Variants in TSC2 observed in about 807,000 individuals in gnomAD.
TSC2 encodes the protein tuberin.
A neutral mutation model predicts 202.2 loss-of-function variants in TSC2; 29 were observed. That is an observed-to-expected ratio of 0.14 (90% CI 0.11 to 0.20). TSC2 has a LOEUF of 0.20. Ranked by LOEUF, TSC2 falls within the 10% of genes least tolerant of loss-of-function variation. The pLI is 1.00. For missense variants in TSC2, 2,429 were observed against 2,420.0 expected, an observed-to-expected ratio of 1.00 and a Z score of -0.08; for synonymous variants, 1,349 against 1,044.0, an observed-to-expected ratio of 1.29 and a Z score of -5.63.
Position 2,076,401 on chromosome 16 carries a change from G to A in TSC2, c.2743-90G>A, listed in dbSNP as rs1249301594. On this transcript the variant is annotated intron_variant, in intron 24 of 41. Coordinates refer to ENST00000219476, the MANE Select transcript of TSC2 (RefSeq NM_000548.5). ...CCGCCTTGCCCCTAGCCTGCAGCTTGTCCCTGGCCAGGGGGCACCCGGCAG... is the reference window on the plus strand; with the variant it reads ...CCGCCTTGCCCCTAGCCTGCAGCTTATCCCTGGCCAGGGGGCACCCGGCAG... The A allele has an allele frequency of 2.5e-6, 4 of 1,593,840 alleles. 1 individual carries two copies. The highest frequency in any genetic ancestry group is 2.2e-5 in the South Asian group (2 of 90,512).
rs2151523267 is a variant in TSC2, at chr16:2,084,326, C to T, written c.4104C>T (p.Gly1368=). The T allele has an allele frequency of 6.2e-7, 1 of 1,612,724 alleles. No individual in the cohort carries two copies. The highest frequency in any genetic ancestry group is 8.5e-7 in the Non-Finnish European group (1 of 1,179,970). The stretch of plus-strand genomic sequence containing the variant: ...AGCGAGTCGTCTCCTCGGAGGGTGG[C>T]CGGCCCTCTGTGGACCTCTCCTTCC... ...PIERVVSSEG[G]RPSVDLSFQP... is the part of the protein sequence containing the mutation. Residue 1368 remains glycine (G), a synonymous_variant, in exon 34 of 42, where the codon GGC becomes GGT. Transcript: ENST00000219476.
chr16:2,085,009 A>G lies in TSC2; in HGVS notation c.4552A>G (p.Ile1518Val), dbSNP rs764903148. The change falls in exon 35 of 42, where the codon ATC becomes GTC. Residue 1518 changes from isoleucine to valine, a missense_variant. Ile to Val is a conservative substitution (Grantham distance 29). Coordinates refer to ENST00000219476, the MANE Select transcript of TSC2 (RefSeq NM_000548.5). ...CTTTGGCGACGAGTCAAACAAGCCA[A>G]TCCTGCTGCCCAATGAGGTAGGCGT... Reference protein sequence around the residue: ...PFFGDESNKPILLPNESQSFE... With the variant: ...PFFGDESNKPVLLPNESQSFE... 8.1e-6 allele frequency: 13 copies of G among 1,613,214 alleles called. No homozygotes were observed. The highest frequency in any genetic ancestry group is 5.5e-5 in the South Asian group (5 of 91,088).
intron 10 of TSC2, among the ~76,000 whole-genome samples, chr16:2,059,665 A>G (rs889209319): frequency 1.3e-5 from 2 of 152,042 alleles, no homozygotes; most frequent in African/African-American, 2.4e-5. Flanking sequence ...GATTATAGGC[A>G]TGGGCCACTA....
intron 32 of TSC2, chr16:2,083,155 T>C (rs752202120): frequency 4.8e-5 from 22 of 456,816 alleles, no homozygotes; most frequent in Middle Eastern, 3.4e-4. Context: ...TTCTACTTCC[T>C]CTCCCCCTGT....
At position 2,048,070 on chromosome 16, in the gene TSC2, G is replaced by T. The variant is rs991520392; in HGVS notation, c.-30+5G>T. 6.3e-6 allele frequency: 9 copies of T among 1,424,664 alleles called. No homozygotes were observed. In the South Asian group the frequency reaches 1.3e-4, roughly 21 times the overall value. 88.3% of individuals were successfully genotyped at this position (1,424,664 alleles called of 1,614,324 possible). The stretch of plus-strand genomic sequence containing the variant: ...AGCGCGGTGGCGCGGCGCGGGGTAA[G>T]TGGCGGTCCCCACGGGGCAAGTGGC... On this transcript the variant is annotated splice_donor_5th_base_variant and intron_variant, in intron 1 of 41. Coordinates refer to ENST00000219476, the MANE Select transcript of TSC2 (RefSeq NM_000548.5).
At chr16:2,050,519 G>A (rs2150998158) in intron 3 of TSC2, 33 bp downstream of exon 3, 1 of 1,589,374 alleles carries the variant, frequency 6.3e-7, no homozygotes, top group Non-Finnish European at 8.6e-7. Context: ...CTAGAGAGAG[G>A]CACGTAGACT....
At position 2,061,998 on chromosome 16, in the gene TSC2, A is replaced by G. The variant is rs117111015; in HGVS notation, c.1247A>G (p.Asp416Gly). 6.2e-7 allele frequency: 1 copy of G among 1,614,058 alleles called. No individual in the cohort carries two copies. The highest frequency in any genetic ancestry group is 2.2e-5 in the East Asian group (1 of 44,876). Residue 416 changes from aspartate (D) to glycine (G), a missense_variant, in exon 12 of 42, where the codon GAC becomes GGC. Physicochemically the swap from Asp to Gly is moderately conservative, Grantham distance 94 (BLOSUM62 -1). Transcript: ENST00000219476. ...TTTGAACTGGTGGAGAGATGTGCGGACCAGAGGCCTGTGAGACCCCCTCCT... is the reference window on the plus strand; with the variant it reads ...TTTGAACTGGTGGAGAGATGTGCGGGCCAGAGGCCTGTGAGACCCCCTCCT... ...RYFELVERCA[D>G]QRPESSLLNL... is the part of the protein sequence containing the mutation.
Position 2,065,912 on chromosome 16 carries a change from C to T in TSC2, c.1716+277C>T, listed in dbSNP as rs1429169982. Among the ~76,000 whole-genome samples the T allele has an allele frequency of 2.6e-5, 4 of 152,338 alleles. No homozygotes were observed. The East Asian group carries it at 7.7e-4, about 29-fold the overall frequency. On this transcript the variant is annotated intron_variant, in intron 16 of 41. Transcript: ENST00000219476. ...CCATCCTCAGCGTGGCGCTTGCCCT[C>T]GTCACCCAGCACAGCACCTGGGAAG...
In TSC2 at chr16:2,077,337, GTTGT is replaced by G. The variant is rs1182738643; in HGVS notation, c.2838-254_2838-251del. 4 of 529,732 alleles carry G rather than the reference GTTGT, an allele frequency of 7.6e-6. No individual in the cohort carries two copies. The Admixed American group carries it at 9.3e-5, about 12-fold the overall frequency. 32.8% of individuals were successfully genotyped at this position (529,732 alleles called of 1,614,324 possible). Reference sequence around the variant, plus strand: ...CCACACACGTTTAATTTGCACTGACGTTGTTTGTTTTGGTGTCATGCGTGAAGCC... The same window carrying G: ...CCACACACGTTTAATTTGCACTGACGTTGTTTTGGTGTCATGCGTGAAGCC... On this transcript the variant is annotated intron_variant, in intron 25 of 41. Transcript: ENST00000219476.
chr16:2,057,100 C>T lies in TSC2; in HGVS notation c.775-5C>T, dbSNP rs181827303. ...CCAGCCCCTGACACGCATTGTGTCT[C>T]GCAGCTGATGCGGAACCTCCTTGGC... On this transcript the variant is annotated splice_polypyrimidine_tract_variant and splice_region_variant and intron_variant, in intron 8 of 41. Coordinates refer to ENST00000219476, the MANE Select transcript of TSC2 (RefSeq NM_000548.5). 1.5e-5 allele frequency: 23 copies of T among 1,551,248 alleles called. No individual in the cohort carries two copies. The East Asian group carries it at 3.7e-4, about 25-fold the overall frequency.
chr16:2,074,402 C>T lies in TSC2; in HGVS notation c.2545+13C>T, dbSNP rs905699423. On this transcript the variant is annotated intron_variant, in intron 22 of 41. Coordinates refer to ENST00000219476, the MANE Select transcript of TSC2 (RefSeq NM_000548.5). ...GAGTTCCTGTCCAGTGAGTCCCCGC[C>T]CTGCCTGCGCATGCACCCGAGAGGT... 6.2e-7 allele frequency: 1 copy of T among 1,608,194 alleles called. No individual in the cohort carries two copies. Among genetic ancestry groups the T allele is most frequent in the Non-Finnish European group, 8.5e-7 (1 of 1,179,998 alleles).
At chr16:2,051,245 G>A (rs138979889) in intron 3 of TSC2, among the ~76,000 whole-genome samples, 4 of 151,464 alleles carry the variant, frequency 2.6e-5, no homozygotes, top group Admixed American at 2.0e-4. Flanking sequence ...GCTTGAACCC[G>A]GGAGGCACAG....
intron 26 of TSC2, 80 bp from the exon 27 acceptor site, chr16:2,078,952 T>G: frequency 6.3e-7 from 1 of 1,591,822 alleles, no homozygotes; most frequent in Non-Finnish European, 8.6e-7. Flanking sequence ...CGTGCATGCG[T>G]TGAGCTTTGG....
At position 2,064,333 on chromosome 16, in the gene TSC2, A is replaced by G. The variant is rs1311884925; in HGVS notation, c.1505A>G (p.His502Arg). 6.2e-7 allele frequency: 1 copy of G among 1,613,692 alleles called. No individual in the cohort carries two copies. The highest frequency in any genetic ancestry group is 8.5e-7 in the Non-Finnish European group (1 of 1,180,038). ...QLSHIPEDKD[H>R]QVRKLATQLL... Reference sequence around the variant, plus strand: ...TCCCACATCCCCGAGGATAAAGACCACCAGGTCCGAAAGCTGGCCACCCAG... The same window carrying G: ...TCCCACATCCCCGAGGATAAAGACCGCCAGGTCCGAAAGCTGGCCACCCAG... The change falls in exon 15 of 42, where the codon CAC becomes CGC. Residue 502 changes from histidine (H) to arginine (R), a missense_variant. Physicochemically the swap from His to Arg is conservative, Grantham distance 29 (BLOSUM62 0). Coordinates refer to ENST00000219476, the MANE Select transcript of TSC2 (RefSeq NM_000548.5).
Position 2,075,846 on chromosome 16 carries a change from T to C in TSC2, c.2593T>C (p.Tyr865His), listed in dbSNP as rs530940490. 1.2e-6 allele frequency: 2 copies of C among 1,613,098 alleles called. No individual in the cohort carries two copies. The highest frequency in any genetic ancestry group is 4.5e-5 in the East Asian group (2 of 44,882). Residue 865 changes from tyrosine (Y) to histidine (H), a missense_variant, in exon 23 of 42, where the codon TAT (tyrosine) becomes CAT (histidine). Physicochemically the swap from Tyr to His is moderately conservative, Grantham distance 83. Coordinates refer to ENST00000219476, the MANE Select transcript of TSC2 (RefSeq NM_000548.5). ...HLYRNFAAEQ[Y>H]ASVFAISLPY... The stretch of plus-strand genomic sequence containing the variant: ...CTACAGGAACTTTGCCGCGGAGCAG[T>C]ATGCCAGTGTGTTCGCCATCTCCCT...
At chr16:2,077,514 C>T (rs925317722) in intron 25 of TSC2, 84 bp from the exon 26 acceptor site, 131 of 1,598,760 alleles carry the variant, frequency 8.2e-5, no homozygotes, top group Non-Finnish European at 1.1e-4. Context: ...TGGGACCTTT[C>T]CTCCTCACCC....
rs2151624247 is a variant in TSC2 at position 2,088,147 on chromosome 16, G to A, written c.5160+8G>A. The A allele has an allele frequency of 6.2e-7, 1 of 1,613,036 alleles. No individual in the cohort carries two copies. Among genetic ancestry groups the A allele is most frequent in the African/African-American group, 1.3e-5 (1 of 75,060 alleles). ...ATGGCCCTGCACGCAAATGTGAGTG[G>A]GGGTGGGTCCAGGCGTGAGCTGGTG... On this transcript the variant is annotated splice_region_variant and intron_variant, in intron 40 of 41. Transcript: ENST00000219476.
chr16:2,077,814 C>A, intron 26 of TSC2, 88 bp downstream of exon 26: 1 of 1,589,656 alleles, frequency 6.3e-7, no homozygotes, highest in East Asian at 2.2e-5. Context: ...GCTTGCATGA[C>A]CTCATCGTCT....
intron 16 of TSC2, among the ~76,000 whole-genome samples, chr16:2,069,444 G>A (rs2087885445): frequency 6.6e-6 from 1 of 151,734 alleles, no homozygotes; most frequent in African/African-American, 2.4e-5. Flanking sequence ...AGTCTCCTGA[G>A]TAGCTGGGAT....
Sources: allele counts gnomAD v4.1 joint callset (sites outside exome capture counted in the v4.1 genomes callset), GRCh38; gene constraint gnomAD v4.1.1; transcripts MANE v1.5; gene names NCBI Gene and HGNC (gene_info 2026-07-23, HGNC 2026-07-21).